Variants in DCDC2C observed in about 807,000 individuals in gnomAD.
DCDC2C encodes doublecortin domain-containing protein 2C.
A neutral mutation model predicts 45.0 loss-of-function variants in DCDC2C; 44 were observed. That is an observed-to-expected ratio of 0.98 (90% CI 0.77 to 1.26). DCDC2C has a LOEUF of 1.26. Ranked by LOEUF, DCDC2C falls within the 50% of genes most tolerant of loss-of-function variation. The pLI, the probability that DCDC2C is intolerant of heterozygous loss-of-function variation, is 0.00. For missense variants in DCDC2C, 447 were observed against 468.9 expected (o/e 0.95, Z 0.43); for synonymous variants, 187 against 178.8 (o/e 1.05, Z -0.37).
At chr2:3,714,852 C>T (rs962938829) in intron 2 of DCDC2C, among the ~76,000 whole-genome samples, 2 of 152,254 alleles carry the variant, frequency 1.3e-5, no homozygotes, top group East Asian at 3.9e-4. Flanking sequence ...TTGCCAATGG[C>T]GAGACCACTG....
intron 6 of DCDC2C, 62 bp from the exon 7 acceptor site, chr2:3,767,692 T>C (rs1476766761): frequency 3.3e-6 from 5 of 1,532,948 alleles, no homozygotes; most frequent in Admixed American, 4.2e-5. Flanking sequence ...CCAGAGAACC[T>C]GATCGGACTC....
intron 2 of DCDC2C, chr2:3,726,022 G>A (rs188499803): frequency 1.2e-3 from 181 of 154,856 alleles, no homozygotes; most frequent in African/African-American, 3.8e-3. Context: ...TGTCACCATC[G>A]TCCAAGTGAG....
At chr2:3,777,068 C>T (rs1483129419) in intron 8 of DCDC2C, among the ~76,000 whole-genome samples, 1 of 152,168 alleles carries the variant, frequency 6.6e-6, no homozygotes, top group Non-Finnish European at 1.5e-5. Context: ...TTGCTGCTGT[C>T]ACTCCTGCTT....
intron 3 of DCDC2C, among the ~76,000 whole-genome samples, chr2:3,733,992 G>T (rs1468872842): frequency 6.6e-6 from 1 of 152,114 alleles, no homozygotes; most frequent in African/African-American, 2.4e-5. Flanking sequence ...ATTTTCCCAA[G>T]TGTCATCTGA....
At chr2:3,755,143 GTGTA>G (rs1398786860) in intron 6 of DCDC2C, among the ~76,000 whole-genome samples, 3 of 151,432 alleles carry the variant, frequency 2.0e-5, no homozygotes, top group African/African-American at 7.4e-5. Context: ...AGGCATGTGT[GTGTA>G]TGTATGGATG....
chr2:3,765,075 T>C (rs988250661), intron 6 of DCDC2C, among the ~76,000 whole-genome samples: 4 of 152,204 alleles, frequency 2.6e-5, no homozygotes, highest in Non-Finnish European at 4.4e-5. Flanking sequence ...AGGTGCATGA[T>C]GTAAGAAACC....
chr2:3,720,831 A>C (rs759528730), intron 2 of DCDC2C, among the ~76,000 whole-genome samples: 34 of 152,154 alleles, frequency 2.2e-4, no homozygotes, highest in Non-Finnish European at 4.1e-4. Context: ...CTTGTCTAGA[A>C]TTGGTATTGT....
At chr2:3,727,908 C>T (rs181367961) in intron 3 of DCDC2C, among the ~76,000 whole-genome samples, 218 of 152,302 alleles carry the variant, frequency 1.4e-3, no homozygotes, top group African/African-American at 5.0e-3. Context: ...CTTGTCACAG[C>T]GTAGCAGTTC....
intron 2 of DCDC2C, among the ~76,000 whole-genome samples, chr2:3,710,293 A>G (rs1190824969): frequency 6.6e-6 from 1 of 152,142 alleles, no homozygotes; most frequent in Non-Finnish European, 1.5e-5. Flanking sequence ...GGCACAGATC[A>G]TCCTATCTCC....
chr2:3,761,180 A>G lies in DCDC2C; in HGVS notation c.726+6546A>G, dbSNP rs1669870418. Among the ~76,000 whole-genome samples the G allele has an allele frequency of 6.6e-6, 1 of 152,252 alleles. No individual in the cohort carries two copies. The highest frequency in any genetic ancestry group is 2.4e-5 in the African/African-American group (1 of 41,474). ...AGAAATGCTAATTTAATAAATGTTT[A>G]AAATTGCATTCACATATTAAAATGA... On this transcript the variant is annotated intron_variant, in intron 6 of 10. Coordinates refer to ENST00000399143, the MANE Select transcript of DCDC2C (RefSeq NM_001287444.2). The surrounding 1 kb of genome is among the most constrained non-coding windows in gnomAD (Gnocchi z 4.3).
chr2:3,763,848 G>A (rs1669950039), intron 6 of DCDC2C, among the ~76,000 whole-genome samples: 1 of 152,146 alleles, frequency 6.6e-6, no homozygotes, highest in African/African-American at 2.4e-5. Context: ...GTGCTCTTTA[G>A]TCATGTATTT....
chr2:3,756,906 T>C (rs943739767), intron 6 of DCDC2C, among the ~76,000 whole-genome samples: 1 of 152,264 alleles, frequency 6.6e-6, no homozygotes, highest in Non-Finnish European at 1.5e-5. Context: ...TTATTTATTT[T>C]AGATTTTCTT....
intron 10 of DCDC2C, among the ~76,000 whole-genome samples, chr2:3,802,985 A>G (rs1366172630): frequency 6.6e-6 from 1 of 152,148 alleles, no homozygotes; most frequent in Non-Finnish European, 1.5e-5. Flanking sequence ...TGTACCTACC[A>G]TCTTGTTTTC....
At position 3,752,040 on chromosome 2, in the gene DCDC2C, C is replaced by T. The variant is rs377519652; in HGVS notation, c.546-723C>T. Among the ~76,000 whole-genome samples, 13 of 152,244 alleles carry T rather than the reference C, an allele frequency of 8.5e-5. No individual in the cohort carries two copies. The East Asian group carries it at 1.2e-3, about 14-fold the overall frequency. ...TTTACAGCACCGTACATGATGAAAT[C>T]CCACCTACCCTGCCGACCCTGTTGC... is the stretch of plus-strand genomic sequence containing the variant. On this transcript the variant is annotated intron_variant, in intron 4 of 10. Transcript: ENST00000399143.
intron 9 of DCDC2C, among the ~76,000 whole-genome samples, chr2:3,779,431 G>T (rs967820893): frequency 2.6e-5 from 4 of 152,192 alleles, no homozygotes; most frequent in African/African-American, 9.6e-5. Context: ...CTTCCTCCAT[G>T]CAGGGAGCGT....
intron 10 of DCDC2C, among the ~76,000 whole-genome samples, chr2:3,801,261 G>A (rs562838461): frequency 1.8e-4 from 28 of 152,334 alleles, no homozygotes; most frequent in South Asian, 6.2e-4. Context: ...AGAGCAGGGC[G>A]AGAGCAGGTC....
intron 3 of DCDC2C, among the ~76,000 whole-genome samples, chr2:3,727,735 G>A (rs6753742): frequency 0.045 from 6,876 of 152,284 alleles, 482 homozygotes; most frequent in African/African-American, 0.15. Flanking sequence ...TGAACGAAAC[G>A]TTGGTTTACA....
chr2:3,741,263 A>G (rs961932436), intron 3 of DCDC2C, among the ~76,000 whole-genome samples: 2 of 152,218 alleles, frequency 1.3e-5, no homozygotes, highest in African/African-American at 4.8e-5. Context: ...TTGGGAGATG[A>G]TCTCGGCTCC....
At chr2:3,752,333 G>A (rs1298693359) in intron 4 of DCDC2C, among the ~76,000 whole-genome samples, 1 of 152,144 alleles carries the variant, frequency 6.6e-6, no homozygotes, top group Non-Finnish European at 1.5e-5. Flanking sequence ...GGATTACTGA[G>A]TAAAAAGTAG....
Sources: allele counts gnomAD v4.1 joint callset (sites outside exome capture counted in the v4.1 genomes callset), GRCh38; gene constraint gnomAD v4.1.1; non-coding constraint Gnocchi (gnomAD v3.1); transcripts MANE v1.5; gene names NCBI Gene and HGNC (gene_info 2026-07-23, HGNC 2026-07-21).